The following WWOX variants were observed in gnomAD, a reference collection of about 807,000 sequenced individuals.
WWOX encodes WW domain containing oxidoreductase.
In WWOX, 69 loss-of-function variants were observed where a neutral mutation model predicts 46.2. The observed-to-expected ratio is 1.49, with a 90% CI of 1.23 to 1.82. The LOEUF (loss-of-function observed/expected upper bound fraction) is 1.82, where lower values mean the gene tolerates loss of function less well. Among genes scored for constraint, WWOX ranks in the 40% most tolerant of loss-of-function variants. The pLI, the probability that WWOX is intolerant of heterozygous loss-of-function variation, is 0.00. For missense variants in WWOX, 919 were observed against 542.6 expected (o/e 1.69, Z -6.89); for synonymous variants, 359 against 202.6 (o/e 1.77, Z -6.56).
intron 8 of WWOX, among the ~76,000 whole-genome samples, chr16:78,850,671 A>C (rs2151180027): frequency 6.6e-6 from 1 of 152,278 alleles, no homozygotes; most frequent in Middle Eastern, 3.4e-3. Flanking sequence ...GACGAGCCTC[A>C]TCCAGGACCT....
chr16:78,467,448 A>G (rs537660381), intron 8 of WWOX, among the ~76,000 whole-genome samples: 2 of 152,362 alleles, frequency 1.3e-5, no homozygotes, highest in East Asian at 1.9e-4. Flanking sequence ...AACAGAAATT[A>G]AAGACTGTAG....
chr16:78,549,361 G>C (rs180788841), intron 8 of WWOX, among the ~76,000 whole-genome samples: 1 of 152,134 alleles, frequency 6.6e-6, no homozygotes, highest in East Asian at 1.9e-4. Context: ...ATATTTGTTC[G>C]AGTCACTTGC....
intron 8 of WWOX, among the ~76,000 whole-genome samples, chr16:78,768,922 G>A (rs1010526069): frequency 3.3e-5 from 5 of 152,144 alleles, no homozygotes; most frequent in African/African-American, 4.8e-5. Context: ...CCATGGTGTA[G>A]GGGAGGAGGA....
intron 8 of WWOX, among the ~76,000 whole-genome samples, chr16:78,679,176 G>T (rs994265671): frequency 6.6e-6 from 1 of 151,954 alleles, no homozygotes; most frequent in Non-Finnish European, 1.5e-5. Flanking sequence ...CCTGCTTTGT[G>T]AAAGGTAGAG....
chr16:78,886,922 G>C (rs528133640), intron 8 of WWOX, among the ~76,000 whole-genome samples: 1 of 152,118 alleles, frequency 6.6e-6, no homozygotes, highest in African/African-American at 2.4e-5. Context: ...GTTCACCAAA[G>C]CTTCTATCCT....
At chr16:78,580,614 T>A (rs751009701) in intron 8 of WWOX, among the ~76,000 whole-genome samples, 7 of 152,174 alleles carry the variant, frequency 4.6e-5, no homozygotes, top group Non-Finnish European at 8.8e-5. Context: ...ACCTTTACAA[T>A]CCAACAACTC....
At chr16:78,527,990 C>CCTTTTTTTTTTT (rs2043518902) in intron 8 of WWOX, among the ~76,000 whole-genome samples, 1 of 57,950 alleles carries the variant, frequency 1.7e-5, no homozygotes, top group African/African-American at 6.9e-5. Context: ...TGGTACATGT[C>CCTTTTTTTTTTT]CTTTTTTTTT....
intron 8 of WWOX, among the ~76,000 whole-genome samples, chr16:79,066,444 A>C (rs894798424): frequency 1.3e-5 from 2 of 152,288 alleles, no homozygotes; most frequent in South Asian, 2.1e-4. Flanking sequence ...TTAGGCTCAC[A>C]GTTGAGCTCA....
intron 6 of WWOX, among the ~76,000 whole-genome samples, chr16:78,388,348 T>G (rs943287318): frequency 1.3e-5 from 2 of 152,088 alleles, no homozygotes; most frequent in African/African-American, 4.8e-5. Context: ...TTTATTAGAT[T>G]TAAAAAGTTT....
intron 8 of WWOX, among the ~76,000 whole-genome samples, chr16:78,742,083 A>G (rs1567529565): frequency 1.3e-5 from 2 of 152,266 alleles, no homozygotes; most frequent in East Asian, 3.9e-4. Flanking sequence ...TGGATAGAAA[A>G]CATAGTAGCC....
chr16:79,042,350 T>C (rs888234241), intron 8 of WWOX, among the ~76,000 whole-genome samples: 3 of 152,196 alleles, frequency 2.0e-5, no homozygotes, highest in Non-Finnish European at 4.4e-5. Flanking sequence ...TCATTGACTT[T>C]GTTGCCTAGC....
chr16:78,475,598 T>A (rs1044291922), intron 8 of WWOX, among the ~76,000 whole-genome samples: 3 of 152,132 alleles, frequency 2.0e-5, no homozygotes, highest in Non-Finnish European at 4.4e-5. Context: ...AGTTTATATT[T>A]TTATTTTAGT....
At chr16:78,715,091 G>C (rs946958630) in intron 8 of WWOX, among the ~76,000 whole-genome samples, 1 of 151,856 alleles carries the variant, frequency 6.6e-6, no homozygotes, top group Non-Finnish European at 1.5e-5. Context: ...GACCAACCTG[G>C]GCCACATAGT....
At chr16:78,784,061 A>T (rs1381856033) in intron 8 of WWOX, among the ~76,000 whole-genome samples, 2 of 152,150 alleles carry the variant, frequency 1.3e-5, no homozygotes, top group Non-Finnish European at 2.9e-5. Context: ...ATATCAACAG[A>T]TACCATGTAC....
intron 8 of WWOX, among the ~76,000 whole-genome samples, chr16:78,571,406 C>T (rs999958157): frequency 2.0e-5 from 3 of 152,152 alleles, no homozygotes; most frequent in African/African-American, 7.2e-5. Context: ...TTAACAGACA[C>T]ACATTCATTT....
chr16:78,664,672 G>C (rs2047289852), intron 8 of WWOX, among the ~76,000 whole-genome samples: 1 of 152,206 alleles, frequency 6.6e-6, no homozygotes, highest in African/African-American at 2.4e-5. Flanking sequence ...GGAAGACCAA[G>C]CATGCCGAAC....
At chr16:78,298,354 G>A (rs1167421714) in intron 5 of WWOX, among the ~76,000 whole-genome samples, 37 of 152,124 alleles carry the variant, frequency 2.4e-4, no homozygotes, top group Non-Finnish European at 4.4e-5. Context: ...GCCACATATG[G>A]CAGAGTAGCT....
intron 8 of WWOX, among the ~76,000 whole-genome samples, chr16:78,619,185 A>T (rs1209430381): frequency 1.9e-4 from 5 of 26,892 alleles, no homozygotes; most frequent in Non-Finnish European, 3.2e-4. Context: ...ATATATATAT[A>T]TATATATATA....
chr16:78,979,614 A>C (rs938087963), intron 8 of WWOX, among the ~76,000 whole-genome samples: 16 of 152,108 alleles, frequency 1.1e-4, no homozygotes, highest in Non-Finnish European at 1.5e-5. Flanking sequence ...GGGAGTTTCT[A>C]CCGATGCTCT....
Sources: gnomAD v4.1 joint callset for allele counts (sites outside exome capture counted in the v4.1 genomes callset) on GRCh38, gnomAD v4.1.1 for gene constraint, MANE v1.5 for transcripts, NCBI Gene and HGNC (gene_info 2026-07-23, HGNC 2026-07-21) for gene names.